ONECUT2: variants seen among roughly 807,000 people sequenced by gnomAD.
ONECUT2 encodes one cut domain family member 2.
ONECUT2 carries 10 observed loss-of-function variants against 27.9 expected under a neutral mutation model. The ratio of observed to expected loss-of-function variants is 0.36; its 90% CI spans 0.22 to 0.61. The LOEUF (loss-of-function observed/expected upper bound fraction) is 0.61. Ranked by LOEUF, ONECUT2 falls within the 20% of genes least tolerant of loss-of-function variation. The pLI is 0.73. For missense variants in ONECUT2, 686 were observed against 721.0 expected (o/e 0.95, Z 0.56); for synonymous variants, 334 against 315.1 (o/e 1.06, Z -0.64).
intron 1 of ONECUT2, among the ~76,000 whole-genome samples, chr18:57,445,217 G>T (rs1439922264): frequency 6.6e-6 from 1 of 152,174 alleles, no homozygotes; most frequent in African/African-American, 2.4e-5. Flanking sequence ...ATTCTCCCCA[G>T]AAATGCAATA....
chr18:57,444,525 C>A, intron 1 of ONECUT2: 1 of 438,616 alleles, frequency 2.3e-6, no homozygotes, highest in South Asian at 1.6e-5. Flanking sequence ...CTGTGCCCTA[C>A]TGCGTCCTCC....
At chr18:57,450,851 T>C (rs2050226228) in intron 1 of ONECUT2, among the ~76,000 whole-genome samples, 1 of 152,202 alleles carries the variant, frequency 6.6e-6, no homozygotes, top group Admixed American at 6.5e-5. Context: ...TATTTTTATC[T>C]TTTTATTTTA....
chr18:57,478,128 G>GCAT lies in ONECUT2; in HGVS notation c.*1410_*1412dup. The GCAT allele has an allele frequency of 6.5e-6, 1 of 152,750 alleles. No homozygotes were observed. The highest frequency in any genetic ancestry group is 2.1e-4 in the South Asian group (1 of 4,822). The allele number at this position is 152,750 out of a possible 1,614,324, so 9.5% of individuals were successfully genotyped here. A position where few individuals can be genotyped will look rare whatever the true frequency, so the allele number is the denominator to read the frequency against. On this transcript the variant is annotated 3_prime_UTR_variant, in exon 2 of 2. Transcript: ENST00000491143. ...ATGGCATTCAGCTCTTGCATTTGGC[G>GCAT]CATCATCGGGCTGAGCGGACCAGCT...
chr18:57,463,378 C>T (rs1279235183), intron 1 of ONECUT2, among the ~76,000 whole-genome samples: 3 of 152,268 alleles, frequency 2.0e-5, no homozygotes, highest in Non-Finnish European at 2.9e-5. Context: ...AGTTGTCCTA[C>T]GTTGTTCTTC....
intron 1 of ONECUT2, among the ~76,000 whole-genome samples, chr18:57,438,046 A>G (rs1048695433): frequency 8.5e-5 from 13 of 152,330 alleles, no homozygotes; most frequent in Admixed American, 2.0e-4. Flanking sequence ...GCTGCGAGGT[A>G]CAGCCCTCTA....
At chr18:57,445,679 G>A (rs1259286288) in intron 1 of ONECUT2, among the ~76,000 whole-genome samples, 1 of 152,234 alleles carries the variant, frequency 6.6e-6, no homozygotes, top group Non-Finnish European at 1.5e-5. Context: ...AATTGAACAG[G>A]AAGCAGTGAG....
In ONECUT2 at chr18:57,469,788, T is replaced by G. The variant is rs117704035; in HGVS notation, c.1229-6649T>G. Among the ~76,000 whole-genome samples the G allele has an allele frequency of 1.2e-3, 186 of 152,340 alleles. 8 individuals are homozygous for G. In the East Asian group the frequency reaches 0.03, roughly 25 times the overall value. On this transcript the variant is annotated intron_variant, in intron 1 of 1. Coordinates refer to ENST00000491143, the MANE Select transcript of ONECUT2 (RefSeq NM_004852.3). ...GAAGAATGTTCACATTTCCTGAGTG[T>G]CTACTCTGTGCCAAGTGTTACAGCA...
chr18:57,486,868 C>T lies in ONECUT2; in HGVS notation c.*10145C>T, dbSNP rs1215038888. ...ACTTGGTCTGAACAATTAATTGTTC[C>T]GTGTTAACAGTGTAGTATTATGATT... On this transcript the variant is annotated 3_prime_UTR_variant, in exon 2 of 2. Coordinates refer to ENST00000491143, the MANE Select transcript of ONECUT2 (RefSeq NM_004852.3). The T allele has an allele frequency of 2.0e-5, 3 of 152,464 alleles. No homozygotes were observed. Among genetic ancestry groups the T allele is most frequent in the African/African-American group, 4.8e-5 (2 of 41,384 alleles). 9.4% of individuals were successfully genotyped at this position (152,464 alleles called of 1,614,324 possible).
At position 57,466,054 on chromosome 18, in the gene ONECUT2, G is replaced by A. The variant is rs149898608; in HGVS notation, c.1229-10383G>A. Among the ~76,000 whole-genome samples the A allele has an allele frequency of 2.6e-5, 4 of 152,324 alleles. No homozygotes were observed. The East Asian group carries it at 7.7e-4, about 29-fold the overall frequency. ...GAAACTACTTCTCCAAGGGAGTGAT[G>A]TACCAGCCTTGGTGTCCCTCCTCCA... On this transcript the variant is annotated intron_variant, in intron 1 of 1. Coordinates refer to ENST00000491143, the MANE Select transcript of ONECUT2 (RefSeq NM_004852.3).
At chr18:57,449,432 C>T (rs1178722546) in intron 1 of ONECUT2, among the ~76,000 whole-genome samples, 1 of 152,210 alleles carries the variant, frequency 6.6e-6, no homozygotes, top group Non-Finnish European at 1.5e-5. Context: ...CCCAGCACAT[C>T]ATTTAGGAGA....
intron 1 of ONECUT2, among the ~76,000 whole-genome samples, chr18:57,437,503 T>C (rs1306680954): frequency 2.6e-5 from 4 of 152,260 alleles, no homozygotes; most frequent in East Asian, 1.9e-4. Flanking sequence ...TATTTGGTCA[T>C]TGGCTGAAGG....
At chr18:57,465,019 G>A (rs1286784872) in intron 1 of ONECUT2, among the ~76,000 whole-genome samples, 1 of 152,020 alleles carries the variant, frequency 6.6e-6, no homozygotes, top group Non-Finnish European at 1.5e-5. Context: ...CCTTTCTACG[G>A]GAAAGACCAC....
rs1568116743 is a variant in ONECUT2, at chr18:57,436,400, C to T, written c.684C>T (p.Ala228=). The T allele has an allele frequency of 5.0e-6, 8 of 1,610,458 alleles. No homozygotes were observed. The highest frequency in any genetic ancestry group is 1.7e-4 in the Middle Eastern group (1 of 6,060). ...TGAGCCAGAGCCTGTCCCCGCTGGC[C>T]GCCACGCCGCTGGGCAACGGGCTAG... ...PGMSQSLSPL[A]ATPLGNGLGG... is the part of the protein sequence containing the mutation. The change falls in exon 1 of 2, where the codon GCC becomes GCT. Residue 228 remains alanine, a synonymous_variant. Coordinates refer to ENST00000491143, the MANE Select transcript of ONECUT2 (RefSeq NM_004852.3). The surrounding 1 kb of genome is among the most constrained non-coding windows in gnomAD (Gnocchi z 5.9).
At chr18:57,443,002 A>C (rs973291949) in intron 1 of ONECUT2, among the ~76,000 whole-genome samples, 10 of 152,220 alleles carry the variant, frequency 6.6e-5, no homozygotes, top group African/African-American at 2.4e-4. Context: ...GAGCCTCCCC[A>C]CCAGGTTTTC....
intron 1 of ONECUT2, among the ~76,000 whole-genome samples, chr18:57,442,859 C>G (rs1392173086): frequency 6.6e-6 from 1 of 152,154 alleles, no homozygotes; most frequent in East Asian, 1.9e-4. Context: ...CCAGGTCTGC[C>G]CTGAGGTAAC....
At chr18:57,456,004 A>G (rs1425375438) in intron 1 of ONECUT2, among the ~76,000 whole-genome samples, 1 of 152,236 alleles carries the variant, frequency 6.6e-6, no homozygotes, top group Non-Finnish European at 1.5e-5. Flanking sequence ...GAGCTCTGAC[A>G]TCCAGTTCTT....
rs868031562 is a variant in ONECUT2, at chr18:57,440,386, C to T, written c.1228+3442C>T. Reference sequence around the variant, plus strand: ...GGAAAAGCGAGGCCTCGGTGGCAGGCATGTTTTCTTCCGACGCCCGAAAAT... The same window carrying T: ...GGAAAAGCGAGGCCTCGGTGGCAGGTATGTTTTCTTCCGACGCCCGAAAAT... On this transcript the variant is annotated intron_variant, in intron 1 of 1. Coordinates refer to ENST00000491143, the MANE Select transcript of ONECUT2 (RefSeq NM_004852.3). Among the ~76,000 whole-genome samples, 55 of 152,348 alleles carry T rather than the reference C, an allele frequency of 3.6e-4. No individual in the cohort carries two copies. The Middle Eastern group carries it at 0.01, about 28-fold the overall frequency.
rs762306402 is a variant in ONECUT2, at chr18:57,476,558, C to A, written c.1350C>A (p.Arg450=). 6.1e-5 allele frequency: 98 copies of A among 1,614,104 alleles called. No individual in the cohort carries two copies. The highest frequency in any genetic ancestry group is 7.6e-5 in the Non-Finnish European group (90 of 1,180,050). The change falls in exon 2 of 2, where the codon CGC becomes CGA. Residue 450 remains arginine, a synonymous_variant. Transcript: ENST00000491143. ...TCGCCATCTTCAAGGAGAACAAACGCCCGTCAAAGGAGATGCAGATCACCA... is the reference window on the plus strand; with the variant it reads ...TCGCCATCTTCAAGGAGAACAAACGACCGTCAAAGGAGATGCAGATCACCA... ...TLFAIFKENK[R]PSKEMQITIS... is the part of the protein sequence containing the mutation.
intron 1 of ONECUT2, among the ~76,000 whole-genome samples, chr18:57,471,556 G>A (rs755689642): frequency 1.8e-4 from 28 of 152,134 alleles, no homozygotes; most frequent in Non-Finnish European, 3.2e-4. Context: ...GCTTGTGCCC[G>A]AGGCCAGGGC....
Sources: gnomAD v4.1 joint callset for allele counts (sites outside exome capture counted in the v4.1 genomes callset) on GRCh38, gnomAD v4.1.1 for gene constraint, Gnocchi (gnomAD v3.1) non-coding constraint, MANE v1.5 for transcripts, NCBI Gene and HGNC (gene_info 2026-07-23, HGNC 2026-07-21) for gene names.